Variants in PDGFRB observed in about 807,000 individuals in gnomAD.
PDGFRB encodes platelet-derived growth factor receptor beta.
Under a neutral mutation model 120.2 loss-of-function variants are expected in PDGFRB, and 42 were observed. The ratio of observed to expected loss-of-function variants is 0.35; its 90% CI spans 0.27 to 0.45. PDGFRB has a LOEUF of 0.45. Among genes scored for constraint, PDGFRB ranks in the 20% least tolerant of loss-of-function variants. The pLI, the probability that PDGFRB is intolerant of heterozygous loss-of-function variation, is 1.00. For synonymous variants in PDGFRB, 586 were observed against 606.8 expected (o/e 0.97, Z 0.50); for missense variants, 1,149 against 1,476.3 (o/e 0.78, Z 3.63).
rs3836743 is a variant in PDGFRB, at chr5:150,117,544, GCACACACA to G, written c.3137+66_3137+73del. ...AACCTGGCAGCGCGCGCGCGCGCGC[GCACACACA>G]CACACACACACACACACACACACAC... On this transcript the variant is annotated intron_variant, in intron 22 of 22. Transcript: ENST00000261799. 2.1e-3 allele frequency: 1,087 copies of G among 515,918 alleles called. 7 individuals carry two copies. The highest frequency in any genetic ancestry group is 0.017 in the African/African-American group (603 of 35,076). 32.0% of individuals were successfully genotyped at this position (515,918 alleles called of 1,614,324 possible). A position where few individuals can be genotyped will look rare whatever the true frequency, so the allele number is the denominator to read the frequency against.
At chr5:150,147,842 C>G (rs889221354) in intron 1 of PDGFRB, among the ~76,000 whole-genome samples, 2 of 152,170 alleles carry the variant, frequency 1.3e-5, no homozygotes, top group African/African-American at 4.8e-5. Flanking sequence ...AAGCAAAATG[C>G]TTAGAATAGG....
intron 14 of PDGFRB, 136 bp downstream of exon 14, chr5:150,124,114 G>C: frequency 1.9e-6 from 1 of 529,226 alleles, no homozygotes. Context: ...ACCGCGCAGT[G>C]AGGGCGCTGG....
At chr5:150,155,180 T>C (rs1761196648) in intron 1 of PDGFRB, among the ~76,000 whole-genome samples, 1 of 151,956 alleles carries the variant, frequency 6.6e-6, no homozygotes, top group Non-Finnish European at 1.5e-5. Context: ...GCAGGGATGA[T>C]GAGGTGGAGG....
chr5:150,123,282 G>A (rs751650260), intron 14 of PDGFRB, 81 bp from the exon 15 acceptor site: 7 of 1,081,756 alleles, frequency 6.5e-6, no homozygotes, highest in Non-Finnish European at 9.7e-6. Flanking sequence ...TCAGGGGCTG[G>A]ATGTGGGAGA....
At chr5:150,136,893 C>T in intron 2 of PDGFRB, 115 bp downstream of exon 2, 5 of 777,172 alleles carry the variant, frequency 6.4e-6, no homozygotes, top group Non-Finnish European at 1.1e-5. Flanking sequence ...AGCTGAAGGG[C>T]AGGGCAGTGT....
chr5:150,126,538 G>A lies in PDGFRB; in HGVS notation c.1656C>T (p.Leu552=). 1 of 1,598,516 alleles carries A rather than the reference G, an allele frequency of 6.3e-7. No homozygotes were observed. Among genetic ancestry groups the A allele is most frequent in the Non-Finnish European group, 8.6e-7 (1 of 1,165,840 alleles). Residue 552 remains leucine, a synonymous_variant, in exon 11 of 23, where the codon CTC becomes CTT. Coordinates refer to ENST00000261799, the MANE Select transcript of PDGFRB (RefSeq NM_002609.4). ...GGCTTACCTTCTGCCAAAGCATGAT[G>A]AGGATGATAAGGGAGATGATGGTGA... ...VVLTIISLII[L]IMLWQKKPRY...
At chr5:150,116,026 G>T in intron 22 of PDGFRB, 80 bp from the exon 23 acceptor site, 1 of 1,292,746 alleles carries the variant, frequency 7.7e-7, no homozygotes, top group Non-Finnish European at 1.1e-6. Context: ...AGCCTTCGGT[G>T]TGTCCACCCC....
chr5:150,132,973 C>T lies in PDGFRB; in HGVS notation c.935-31G>A. 1 of 1,499,764 alleles carries T rather than the reference C, an allele frequency of 6.7e-7. No individual in the cohort carries two copies. Among genetic ancestry groups the T allele is most frequent in the Non-Finnish European group, 9.0e-7 (1 of 1,106,920 alleles). The allele number at this position is 1,499,764 out of a possible 1,614,324, so 92.9% of individuals were successfully genotyped here. A position where few individuals can be genotyped will look rare whatever the true frequency, so the allele number is the denominator to read the frequency against. ...AGGGGTGACCGTCAGGGGCGGGGCC[C>T]TGGGGGCAGGGCACCAACTGAATCC... On this transcript the variant is annotated intron_variant, in intron 6 of 22. Coordinates refer to ENST00000261799, the MANE Select transcript of PDGFRB (RefSeq NM_002609.4). This position sits in a 1 kb window ranked among gnomAD's most constrained non-coding sequence, Gnocchi z 5.0.
At position 150,118,787 on chromosome 5, in the gene PDGFRB, A is replaced by G. The variant is rs771073581; in HGVS notation, c.2864T>C (p.Val955Ala). The G allele has an allele frequency of 5.0e-6, 8 of 1,612,776 alleles. No homozygotes were observed. Among genetic ancestry groups the G allele is most frequent in the East Asian group, 2.2e-5 (1 of 44,854 alleles). Residue 955 changes from valine to alanine, a missense_variant, in exon 21 of 23, where the codon GTG becomes GCG. Val to Ala is a moderately conservative substitution (Grantham distance 64). This residue lies in a region of PDGFRB where 202 missense variants were observed against 214.3 expected (regional missense o/e 0.94). Transcript: ENST00000261799. ...GCCCAACAGTCTCTCGAGAAGCAGC[A>G]CCAGCTGGGAGAAGGGGGGCCGAAT... is the stretch of plus-strand genomic sequence containing the variant. ...FEIRPPFSQL[V>A]LLLERLLGEG... is the part of the protein sequence containing the mutation.
intron 11 of PDGFRB, among the ~76,000 whole-genome samples, 189 bp from the exon 12 acceptor site, chr5:150,125,766 C>T (rs1329639664): frequency 6.6e-6 from 1 of 152,198 alleles, no homozygotes; most frequent in Non-Finnish European, 1.5e-5. Flanking sequence ...GAACAGGGAC[C>T]AAGGGGCCCC....
rs1760008689 is a variant in PDGFRB, at chr5:150,117,800, G to A, written c.2955C>T (p.Ile985=). The change falls in exon 22 of 23, where the codon ATC becomes ATT. Residue 985 remains isoleucine (I), a synonymous_variant. Transcript: ENST00000261799. ...EEFLRSDHPA[I]LRSQARLPGF... ...CAGGCAAGCGGGCCTGGGACCGAAG[G>A]ATGGCTGGGTGGTCACTCCTCAGAA... 7 of 1,613,774 alleles carry A rather than the reference G, an allele frequency of 4.3e-6. No homozygotes were observed. The African/African-American group carries it at 6.7e-5, about 15-fold the overall frequency.
chr5:150,132,181 G>A lies in PDGFRB; in HGVS notation c.1128-87C>T. On this transcript the variant is annotated intron_variant, in intron 7 of 22. Coordinates refer to ENST00000261799, the MANE Select transcript of PDGFRB (RefSeq NM_002609.4). This position sits in a 1 kb window ranked among gnomAD's most constrained non-coding sequence, Gnocchi z 5.0. ...CTGGTATAAAGAGGAACAAGGCCCAGGGAGGGGAAGGGCTTGCCAAGGTCA... is the reference window on the plus strand; with the variant it reads ...CTGGTATAAAGAGGAACAAGGCCCAAGGAGGGGAAGGGCTTGCCAAGGTCA... 1.4e-6 allele frequency: 1 copy of A among 715,574 alleles called. No homozygotes were observed. The highest frequency in any genetic ancestry group is 2.5e-6 in the Non-Finnish European group (1 of 406,562). The allele number at this position is 715,574 out of a possible 1,614,324, so 44.3% of individuals were successfully genotyped here.
At chr5:150,134,538 A>G (rs1760567323) in intron 4 of PDGFRB, among the ~76,000 whole-genome samples, 1 of 152,174 alleles carries the variant, frequency 6.6e-6, no homozygotes, top group Non-Finnish European at 1.5e-5. Context: ...CTCTGCCACT[A>G]TCGAATTCTG....
intron 12 of PDGFRB, 78 bp downstream of exon 12, chr5:150,125,367 G>T: frequency 7.5e-7 from 1 of 1,335,822 alleles, no homozygotes; most frequent in South Asian, 1.4e-5. Context: ...GTCATGGCAA[G>T]GCTGGGACCA....
chr5:150,125,514 T>C lies in PDGFRB; in HGVS notation c.1738A>G (p.Ile580Val), dbSNP rs376202121. The stretch of plus-strand genomic sequence containing the variant: ...GGCAGCTGCATGGGGTCCACGTAGA[T>C]GTACTCATGGCCGTCAGAGCTCACA... ...ESVSSDGHEY[I>V]YVDPMQLPYD... Residue 580 changes from isoleucine (I) to valine (V), a missense_variant, in exon 12 of 23, where the codon ATC (isoleucine) becomes GTC (valine). Around this residue, in one of 3 missense-constraint regions of PDGFRB, gnomAD observed 879 missense variants for 1,108.6 expected, o/e 0.79. Coordinates refer to ENST00000261799, the MANE Select transcript of PDGFRB (RefSeq NM_002609.4). 1.2e-6 allele frequency: 2 copies of C among 1,613,656 alleles called. No individual in the cohort carries two copies. The highest frequency in any genetic ancestry group is 1.3e-5 in the African/African-American group (1 of 74,880).
rs768318526 is a variant in PDGFRB at position 150,124,271 on chromosome 5, A to T, written c.2002T>A (p.Leu668Met). ...GTACCTCCTTTGGTGCAGGCCCCCA[A>T]CAGGTTGACCACGTTCAGGTGGGGC... is the stretch of plus-strand genomic sequence containing the variant. Reference protein sequence around the residue: ...LGPHLNVVNLLGACTKGGPIY... With the variant: ...LGPHLNVVNLMGACTKGGPIY... Residue 668 changes from leucine to methionine, a missense_variant, in exon 14 of 23, where the codon TTG becomes ATG. Around this residue, in one of 3 missense-constraint regions of PDGFRB, gnomAD observed 879 missense variants for 1,108.6 expected, o/e 0.79. Transcript: ENST00000261799. 1 of 1,613,662 alleles carries T rather than the reference A, an allele frequency of 6.2e-7. No homozygotes were observed. The highest frequency in any genetic ancestry group is 2.2e-5 in the East Asian group (1 of 44,872).
At position 150,117,611 on chromosome 5, in the gene PDGFRB, T is replaced by G; in HGVS notation, c.3137+7A>C. On this transcript the variant is annotated splice_region_variant and intron_variant, in intron 22 of 22. Coordinates refer to ENST00000261799, the MANE Select transcript of PDGFRB (RefSeq NM_002609.4). Reference sequence around the variant, plus strand: ...CAATTTCCTTGGCCCCAGGCCAGGGTGGTTACCTGGCTAGGCTGGGGGAAC... The same window carrying G: ...CAATTTCCTTGGCCCCAGGCCAGGGGGGTTACCTGGCTAGGCTGGGGGAAC... 6.5e-7 allele frequency: 1 copy of G among 1,532,216 alleles called. No homozygotes were observed. The highest frequency in any genetic ancestry group is 9.0e-7 in the Non-Finnish European group (1 of 1,108,060). 94.9% of individuals were successfully genotyped at this position (1,532,216 alleles called of 1,614,324 possible).
intron 1 of PDGFRB, among the ~76,000 whole-genome samples, chr5:150,148,730 C>G (rs1267200911): frequency 6.6e-6 from 1 of 152,270 alleles, no homozygotes; most frequent in Non-Finnish European, 1.5e-5. Flanking sequence ...CAGCACTTGG[C>G]ACATCATAGG....
chr5:150,129,904 T>A lies in PDGFRB; in HGVS notation c.1432A>T (p.Thr478Ser). The change falls in exon 10 of 23, where the codon ACT becomes TCT. Residue 478 changes from threonine (T) to serine (S), a missense_variant. Around this residue, in one of 3 missense-constraint regions of PDGFRB, gnomAD observed 879 missense variants for 1,108.6 expected, o/e 0.79. Transcript: ENST00000261799. ...NSSEEESQLE[T>S]NVTYWEEEQE... ...TCCTCCTCCCAGTACGTCACGTTAG[T>A]CTCCAGCTGGCTCTCCTCTTCGGAA... The A allele has an allele frequency of 6.2e-7, 1 of 1,614,166 alleles. No individual in the cohort carries two copies. The highest frequency in any genetic ancestry group is 2.2e-5 in the East Asian group (1 of 44,878).
Sources: gnomAD v4.1 joint callset for allele counts (sites outside exome capture counted in the v4.1 genomes callset) on GRCh38, gnomAD v4.1.1 for gene constraint, gnomAD v4.1.1 regional missense constraint, Gnocchi (gnomAD v3.1) non-coding constraint, MANE v1.5 for transcripts, NCBI Gene and HGNC (gene_info 2026-07-23, HGNC 2026-07-21) for gene names.